ZC3H12B: variants seen among roughly 807,000 people sequenced by gnomAD.
ZC3H12B encodes probable ribonuclease ZC3H12B.
ZC3H12B carries 7 observed loss-of-function variants against 43.9 expected under a neutral mutation model. The ratio of observed to expected loss-of-function variants is 0.16; its 90% confidence interval spans 0.09 to 0.30. The LOEUF is 0.30. ZC3H12B is among the 10% of genes least tolerant of loss of function. ZC3H12B has a pLI of 1.00. For missense variants in ZC3H12B, 475 were observed against 670.2 expected (o/e 0.71, Z 3.22); for synonymous variants, 222 against 241.7 (o/e 0.92, Z 0.76).
At chrX:65,250,157 A>C in the ZC3H12B span, among the ~76,000 whole-genome samples, 1 of 110,120 alleles carries the variant, frequency 9.1e-6, no homozygotes, top group African/African-American at 3.3e-5. Context: ...TCATTGTTCA[A>C]TTCCCACCTA....
the ZC3H12B span, among the ~76,000 whole-genome samples, chrX:65,244,621 T>C: frequency 9.8e-5 from 10 of 102,222 alleles, no homozygotes; most frequent in Non-Finnish European, 1.9e-4. Flanking sequence ...ACCTGTGGTC[T>C]CGAGAGGCTG....
the ZC3H12B span, among the ~76,000 whole-genome samples, chrX:65,075,944 G>A: frequency 9.0e-6 from 1 of 111,481 alleles, no homozygotes; most frequent in Non-Finnish European, 1.9e-5. Context: ...ACCAGCTTCA[G>A]TGTGGCTGAT....
chrX:65,504,012 A>G (rs758098448), exon 5 of ZC3H12B: 4 of 112,623 alleles, frequency 3.6e-5, no homozygotes, highest in East Asian at 5.6e-4. Context: ...TCATATGTTG[A>G]ATTAACCTTT....
chrX:65,421,375 C>T (rs1219063844), intron 3 of ZC3H12B, among the ~76,000 whole-genome samples: 1 of 112,128 alleles, frequency 8.9e-6, no homozygotes, highest in Non-Finnish European at 1.9e-5. Context: ...GTACAGCCAC[C>T]TCTACTCAAT....
chrX:65,173,135 C>T, the ZC3H12B span, among the ~76,000 whole-genome samples: 2 of 111,461 alleles, frequency 1.8e-5, no homozygotes, highest in African/African-American at 6.5e-5. Flanking sequence ...GACGTCCTTC[C>T]TGTGCCTTGT....
At chrX:65,168,113 C>T in the ZC3H12B span, among the ~76,000 whole-genome samples, 1 of 111,624 alleles carries the variant, frequency 9.0e-6, no homozygotes, top group South Asian at 3.8e-4. Flanking sequence ...TGTCTTGTGC[C>T]ACTTTTCAAA....
chrX:65,285,351 G>C, the ZC3H12B span, among the ~76,000 whole-genome samples: 16 of 110,262 alleles, frequency 1.5e-4, no homozygotes, highest in Admixed American at 5.9e-4. Context: ...ATTCAGATAC[G>C]GGAGCCTCAG....
the ZC3H12B span, among the ~76,000 whole-genome samples, chrX:65,212,710 T>A: frequency 1.1e-5 from 1 of 92,227 alleles, no homozygotes; most frequent in African/African-American, 4.0e-5. Flanking sequence ...ATGATTTATA[T>A]ATCATATATA....
chrX:65,340,046 C>A, the ZC3H12B span, among the ~76,000 whole-genome samples: 2 of 111,821 alleles, frequency 1.8e-5, no homozygotes, highest in Non-Finnish European at 1.9e-5. Flanking sequence ...CACCAGCACC[C>A]CAAACCCCTA....
chrX:65,224,731 A>T, the ZC3H12B span, among the ~76,000 whole-genome samples: 2 of 112,120 alleles, frequency 1.8e-5, no homozygotes, highest in East Asian at 5.6e-4. Context: ...TATCCCGCAC[A>T]TGACTCAGAG....
At chrX:65,334,450 T>A in the ZC3H12B span, among the ~76,000 whole-genome samples, 8 of 112,315 alleles carry the variant, frequency 7.1e-5, no homozygotes, top group African/African-American at 2.6e-4. Flanking sequence ...CAAAAACACA[T>A]TTCACTTTCC....
the ZC3H12B span, among the ~76,000 whole-genome samples, chrX:65,322,884 C>T: frequency 9.0e-6 from 1 of 111,073 alleles, no homozygotes; most frequent in Non-Finnish European, 1.9e-5. Flanking sequence ...AATAATTTTT[C>T]CAATTATTTT....
the ZC3H12B span, among the ~76,000 whole-genome samples, chrX:65,201,080 G>A: frequency 1.8e-5 from 2 of 111,804 alleles, no homozygotes; most frequent in Admixed American, 9.5e-5. Flanking sequence ...GAGTCCCTTT[G>A]TTTCAATTTT....
the ZC3H12B span, among the ~76,000 whole-genome samples, chrX:65,200,174 G>A: frequency 9.0e-6 from 1 of 110,723 alleles, no homozygotes; most frequent in Non-Finnish European, 1.9e-5. Flanking sequence ...ATCTCATTGT[G>A]GTTTTGATTT....
chrX:65,238,727 C>T, the ZC3H12B span, among the ~76,000 whole-genome samples: 6 of 111,898 alleles, frequency 5.4e-5, no homozygotes, highest in Admixed American at 3.8e-4. Flanking sequence ...GCATTCAGTG[C>T]TATAAATTTC....
intron 3 of ZC3H12B, among the ~76,000 whole-genome samples, chrX:65,440,042 T>G (rs2067281778): frequency 8.9e-6 from 1 of 112,236 alleles, no homozygotes; most frequent in African/African-American, 3.2e-5. Flanking sequence ...ATTGGATCTT[T>G]TCACCAAATA....
At chrX:65,118,456 T>C in the ZC3H12B span, among the ~76,000 whole-genome samples, 1 of 111,198 alleles carries the variant, frequency 9.0e-6, no homozygotes, top group African/African-American at 3.3e-5. Flanking sequence ...CTTAAGGAGA[T>C]TTTGGGCTGA....
rs2068162510 is a variant in ZC3H12B, at chrX:65,488,765, AAG to A, written c.-35_-34del. On this transcript the variant is annotated 5_prime_UTR_variant, in exon 1 of 5. It removes the in-frame stop codon of an upstream open reading frame in the 5' UTR. Coordinates refer to ENST00000338957, the Ensembl canonical transcript of ZC3H12B. ...GGATTCCAAGCAGGCTAAAAAGAAA[AAG>A]AACTGATTAGACCTCAGACGACCCA... 9.0e-7 allele frequency: 1 copy of A among 1,112,803 alleles called. No homozygotes were observed. Among genetic ancestry groups the A allele is most frequent in the African/African-American group, 1.9e-5 (1 of 53,296 alleles). 91.7% of individuals were successfully genotyped at this position (1,112,803 alleles called of 1,213,427 possible).
At chrX:65,260,880 C>T in the ZC3H12B span, among the ~76,000 whole-genome samples, 1 of 111,373 alleles carries the variant, frequency 9.0e-6, no homozygotes. Flanking sequence ...ACCTGAATCT[C>T]AGACTGCTTA....
Sources: allele counts gnomAD v4.1 joint callset (sites outside exome capture counted in the v4.1 genomes callset), GRCh38; gene constraint gnomAD v4.1.1; transcripts MANE v1.5; gene names NCBI Gene and HGNC (gene_info 2026-07-23, HGNC 2026-07-21).